The following SDHAF3 variants were observed in gnomAD, a reference collection of about 807,000 sequenced individuals.
SDHAF3 encodes the protein succinate dehydrogenase assembly factor 3, mitochondrial.
Under a neutral mutation model 11.5 loss-of-function variants are expected in SDHAF3, and 18 were observed. The ratio of observed to expected loss-of-function variants is 1.56; its 90% CI spans 1.08 to 2.32. The LOEUF (loss-of-function observed/expected upper bound fraction) is 2.32. SDHAF3 is among the 30% of genes most tolerant of loss of function. The pLI is 0.00. For missense variants in SDHAF3, 200 were observed against 154.4 expected (o/e 1.30, Z -1.57); for synonymous variants, 72 against 59.3 (o/e 1.21, Z -0.99).
Position 97,181,145 on chromosome 7 carries a change from A to C in SDHAF3, c.308A>C (p.Glu103Ala). 5.6e-6 allele frequency: 9 copies of C among 1,614,024 alleles called. No homozygotes were observed. The highest frequency in any genetic ancestry group is 7.6e-6 in the Non-Finnish European group (9 of 1,179,942). ...FRDEQIGQLQ[E>A]LMQEATKPNR... ...GATGAACAAATTGGACAGTTGCAGGAGCTGATGCAAGAAGCCACAAAACCC... is the reference window on the plus strand; with the variant it reads ...GATGAACAAATTGGACAGTTGCAGGCGCTGATGCAAGAAGCCACAAAACCC... Residue 103 changes from glutamate (E) to alanine (A), a missense_variant, in exon 2 of 2, where the codon GAG becomes GCG. Transcript: ENST00000432641.
chr7:97,174,372 T>C (rs1789649563), intron 1 of SDHAF3, among the ~76,000 whole-genome samples: 4 of 152,236 alleles, frequency 2.6e-5, no homozygotes, highest in Admixed American at 2.0e-4. Context: ...TCCCCTGTGA[T>C]AGCCTACATA....
At chr7:97,148,639 C>A (rs1043004882) in intron 1 of SDHAF3, among the ~76,000 whole-genome samples, 5 of 152,160 alleles carry the variant, frequency 3.3e-5, no homozygotes, top group African/African-American at 1.2e-4. Context: ...ACTGGTTTTT[C>A]CATTTGAAGC....
At chr7:97,125,789 G>A (rs1791564556) in intron 1 of SDHAF3, among the ~76,000 whole-genome samples, 3 of 152,176 alleles carry the variant, frequency 2.0e-5, no homozygotes, top group Admixed American at 1.3e-4. Flanking sequence ...TGCCTCCGTA[G>A]CTCAGAGGAG....
At chr7:97,135,682 A>ATATATATATAT (rs1491358723) in intron 1 of SDHAF3, 1 of 61,836 alleles carries the variant, frequency 1.6e-5, no homozygotes, top group Non-Finnish European at 2.8e-5. Flanking sequence ...ATATATATAT[A>ATATATATATAT]TTTTTTTTTT....
intron 1 of SDHAF3, among the ~76,000 whole-genome samples, chr7:97,129,205 T>C (rs557818643): frequency 2.0e-5 from 3 of 152,218 alleles, no homozygotes; most frequent in East Asian, 1.9e-4. Flanking sequence ...ACTATACATA[T>C]AGATAGGCTT....
At chr7:97,169,012 GAATAT>G (rs1438786144) in intron 1 of SDHAF3, among the ~76,000 whole-genome samples, 1 of 152,182 alleles carries the variant, frequency 6.6e-6, no homozygotes, top group Non-Finnish European at 1.5e-5. Flanking sequence ...TAAGACATTA[GAATAT>G]ATTTAAATTT....
At chr7:97,149,575 T>C (rs944592324) in intron 1 of SDHAF3, among the ~76,000 whole-genome samples, 7 of 152,212 alleles carry the variant, frequency 4.6e-5, no homozygotes, top group Admixed American at 6.5e-5. Context: ...ATAAAAGTTA[T>C]GTTTACACTA....
intron 1 of SDHAF3, among the ~76,000 whole-genome samples, chr7:97,166,963 C>T (rs971495872): frequency 6.6e-6 from 1 of 152,012 alleles, no homozygotes; most frequent in Non-Finnish European, 1.5e-5. Flanking sequence ...GTGTCTCACT[C>T]AGGGCATCAA....
chr7:97,145,926 C>G (rs1387996563), intron 1 of SDHAF3, among the ~76,000 whole-genome samples: 3 of 152,058 alleles, frequency 2.0e-5, no homozygotes, highest in African/African-American at 7.2e-5. Flanking sequence ...AGCCATCAAA[C>G]ACATGATTGT....
At chr7:97,118,542 C>A (rs1042733418) in intron 1 of SDHAF3, among the ~76,000 whole-genome samples, 18 of 101,876 alleles carry the variant, frequency 1.8e-4, no homozygotes, top group Non-Finnish European at 2.6e-4. Context: ...AGCAATAAGT[C>A]GTTTGACTTT....
intron 1 of SDHAF3, among the ~76,000 whole-genome samples, chr7:97,139,865 A>G (rs1434067810): frequency 1.3e-5 from 2 of 152,192 alleles, no homozygotes; most frequent in East Asian, 1.9e-4. Flanking sequence ...ACTCTGACCT[A>G]TTCTCTCCAT....
In SDHAF3 at chr7:97,179,817, T is replaced by A. The variant is rs536612093; in HGVS notation, c.175-1195T>A. Among the ~76,000 whole-genome samples the A allele has an allele frequency of 3.3e-5, 5 of 152,292 alleles. No homozygotes were observed. The South Asian group carries it at 8.3e-4, about 25-fold the overall frequency. On this transcript the variant is annotated intron_variant, in intron 1 of 1. Transcript: ENST00000432641. ...GATAAAACTTGAAATGTTTTCATCT[T>A]AATAAGTGGATTTCTGTAAATCATG...
intron 1 of SDHAF3, among the ~76,000 whole-genome samples, chr7:97,140,343 ATTT>A (rs67929691): frequency 1.8e-5 from 2 of 112,482 alleles, no homozygotes; most frequent in African/African-American, 3.5e-5. Flanking sequence ...TTTTGGTAGT[ATTT>A]TTTTTTTTTT....
At chr7:97,166,016 A>C (rs930150679) in intron 1 of SDHAF3, among the ~76,000 whole-genome samples, 2 of 152,186 alleles carry the variant, frequency 1.3e-5, no homozygotes, top group African/African-American at 4.8e-5. Flanking sequence ...GGGCAGGGGT[A>C]CAGGTGTCCT....
chr7:97,137,372 T>G (rs1315586529), intron 1 of SDHAF3, among the ~76,000 whole-genome samples: 2 of 152,170 alleles, frequency 1.3e-5, no homozygotes, highest in African/African-American at 4.8e-5. Flanking sequence ...CCTTAACAAG[T>G]TGAGAGTCAA....
At chr7:97,139,643 C>T (rs1789000072) in intron 1 of SDHAF3, among the ~76,000 whole-genome samples, 1 of 152,210 alleles carries the variant, frequency 6.6e-6, no homozygotes, top group Non-Finnish European at 1.5e-5. Context: ...TGTGGACCTG[C>T]CCCTATCTGC....
chr7:97,153,511 C>A (rs761655329), intron 1 of SDHAF3, among the ~76,000 whole-genome samples: 51 of 152,152 alleles, frequency 3.4e-4, no homozygotes, highest in Non-Finnish European at 5.7e-4. Flanking sequence ...CAGTAAACAT[C>A]CGTTTGCAGG....
In SDHAF3 at chr7:97,118,500, A is replaced by G. The variant is rs200434516; in HGVS notation, c.174+603A>G. Reference sequence around the variant, plus strand: ...AGTCATTGTTACTTCGCCCTGCACCATTGCGCTAAATATTAAACAGACACA... The same window carrying G: ...AGTCATTGTTACTTCGCCCTGCACCGTTGCGCTAAATATTAAACAGACACA... On this transcript the variant is annotated intron_variant, in intron 1 of 1. Transcript: ENST00000432641. Among the ~76,000 whole-genome samples, 17 of 151,406 alleles carry G rather than the reference A, an allele frequency of 1.1e-4. No homozygotes were observed. The East Asian group carries it at 3.1e-3, about 28-fold the overall frequency.
chr7:97,142,890 CT>C (rs35198717), intron 1 of SDHAF3: 4,450 of 87,072 alleles, frequency 0.051, 105 homozygotes, highest in African/African-American at 0.12. Context: ...TTCTTAAATT[CT>C]TTTTTTTTTT....
Sources: allele counts gnomAD v4.1 joint callset (sites outside exome capture counted in the v4.1 genomes callset), GRCh38; gene constraint gnomAD v4.1.1; transcripts MANE v1.5; gene names NCBI Gene and HGNC (gene_info 2026-07-23, HGNC 2026-07-21).